Variants in MXI1 observed in about 807,000 individuals in gnomAD.
The protein encoded by MXI1 is max-interacting protein 1.
In MXI1, 18 loss-of-function variants were observed where a neutral mutation model predicts 36.9. The ratio of observed to expected loss-of-function variants is 0.49; its 90% CI spans 0.34 to 0.72. MXI1 has a LOEUF of 0.72. MXI1 is among the 30% of genes least tolerant of loss of function. The probability of loss-of-function intolerance (pLI) is 0.01; values close to 1 mark genes in which losing one functional copy is unlikely to be tolerated. For synonymous variants in MXI1, 160 were observed against 146.7 expected, an observed-to-expected ratio of 1.09 and a Z score of -0.65; for missense variants, 304 against 379.1, an observed-to-expected ratio of 0.80 and a Z score of 1.64.
chr10:110,251,011 A>T (rs902244332), intron 3 of MXI1, among the ~76,000 whole-genome samples: 135 of 35,824 alleles, frequency 3.8e-3, no homozygotes, highest in South Asian at 0.017. Flanking sequence ...AGTATTTGTT[A>T]AAAAAAAAAA....
intron 3 of MXI1, among the ~76,000 whole-genome samples, chr10:110,263,392 G>A (rs1856582265): frequency 6.6e-6 from 1 of 152,176 alleles, no homozygotes; most frequent in Admixed American, 6.5e-5. Context: ...TAGGAAATAT[G>A]TGGTGATTGT....
intron 3 of MXI1, among the ~76,000 whole-genome samples, chr10:110,269,147 A>C (rs1026112995): frequency 2.0e-5 from 3 of 152,230 alleles, no homozygotes; most frequent in Non-Finnish European, 2.9e-5. Context: ...ACCATTTGCC[A>C]TCTGCCAGTA....
intron 2 of MXI1, among the ~76,000 whole-genome samples, chr10:110,243,209 G>T (rs1369042054): frequency 6.6e-6 from 1 of 151,906 alleles, no homozygotes; most frequent in Non-Finnish European, 1.5e-5. Flanking sequence ...TGTTAAACTA[G>T]GATTTCTGAC....
At chr10:110,259,044 C>T (rs1387722531) in intron 3 of MXI1, among the ~76,000 whole-genome samples, 1 of 152,034 alleles carries the variant, frequency 6.6e-6, no homozygotes, top group Non-Finnish European at 1.5e-5. Context: ...AAAAAATAAT[C>T]AGAAGTACTG....
At chr10:110,240,773 G>A (rs1382779394) in intron 2 of MXI1, among the ~76,000 whole-genome samples, 5 of 151,944 alleles carry the variant, frequency 3.3e-5, no homozygotes, top group African/African-American at 1.2e-4. Context: ...TGTAGAATAT[G>A]CTCTTTTCAT....
chr10:110,255,831 C>T (rs892439145), intron 3 of MXI1, among the ~76,000 whole-genome samples: 1 of 151,856 alleles, frequency 6.6e-6, no homozygotes, highest in Non-Finnish European at 1.5e-5. Flanking sequence ...TAATATAATT[C>T]ATGTGAAAAT....
At chr10:110,227,458 G>A in intron 1 of MXI1, 4 of 988,888 alleles carry the variant, frequency 4.0e-6, no homozygotes, top group Non-Finnish European at 4.8e-6. Flanking sequence ...AAGGAGACGG[G>A]TGGAGGGAAG....
At chr10:110,269,930 A>G (rs963268013) in intron 3 of MXI1, among the ~76,000 whole-genome samples, 2 of 152,198 alleles carry the variant, frequency 1.3e-5, no homozygotes, top group Non-Finnish European at 2.9e-5. Context: ...ATGAACACCA[A>G]CAAAAGGCCA....
At chr10:110,214,350 T>G (rs979820036) in intron 1 of MXI1, among the ~76,000 whole-genome samples, 1 of 152,172 alleles carries the variant, frequency 6.6e-6, no homozygotes, top group Non-Finnish European at 1.5e-5. Flanking sequence ...TTTTCTTTTT[T>G]TGTCTTTCAG....
rs1202008110 is a variant in MXI1 at position 110,286,466 on chromosome 10, A to T, written c.*1479A>T. On this transcript the variant is annotated 3_prime_UTR_variant, in exon 6 of 6. Transcript: ENST00000332674. ...TGGCTGTTTGGACTTTGTATACTTT[A>T]AATAATTTAACTACCCTTAATTACT... 2 of 148,178 alleles carry T rather than the reference A, an allele frequency of 1.3e-5. No individual in the cohort carries two copies. The highest frequency in any genetic ancestry group is 1.5e-5 in the Non-Finnish European group (1 of 67,532). The allele number at this position is 148,178 out of a possible 1,614,324, so 9.2% of individuals were successfully genotyped here.
intron 3 of MXI1, among the ~76,000 whole-genome samples, chr10:110,252,170 A>G (rs920826766): frequency 6.6e-6 from 1 of 151,998 alleles, no homozygotes; most frequent in African/African-American, 2.4e-5. Context: ...AACACTATAA[A>G]TAAAAAGTAT....
chr10:110,260,203 A>G (rs1262507011), intron 3 of MXI1, among the ~76,000 whole-genome samples: 1 of 151,930 alleles, frequency 6.6e-6, no homozygotes, highest in African/African-American at 2.4e-5. Flanking sequence ...TTTCATCTCT[A>G]CTACTGATAG....
intron 5 of MXI1, among the ~76,000 whole-genome samples, chr10:110,283,583 T>A (rs1825863885): frequency 6.6e-6 from 1 of 151,946 alleles, no homozygotes; most frequent in African/African-American, 2.4e-5. Context: ...GCAGTTGTGA[T>A]TAGTGTGAAC....
At chr10:110,226,311 C>A in intron 1 of MXI1, 1 of 1,480,548 alleles carries the variant, frequency 6.8e-7, no homozygotes, top group Non-Finnish European at 9.0e-7. Flanking sequence ...CTGCGTGAGC[C>A]CGAGCGCTAC....
At chr10:110,283,538 C>T (rs1857335442) in intron 5 of MXI1, among the ~76,000 whole-genome samples, 1 of 148,190 alleles carries the variant, frequency 6.7e-6, no homozygotes, top group African/African-American at 2.4e-5. Context: ...TGCTTGGCCG[C>T]ACCCGGCTGA....
At chr10:110,222,574 C>A (rs549809584) in intron 1 of MXI1, among the ~76,000 whole-genome samples, 1 of 152,250 alleles carries the variant, frequency 6.6e-6, no homozygotes, top group South Asian at 2.1e-4. Flanking sequence ...TCGTTATAGG[C>A]CTGGGGTATT....
intron 2 of MXI1, among the ~76,000 whole-genome samples, chr10:110,232,531 T>C (rs750126937): frequency 6.6e-6 from 1 of 152,232 alleles, no homozygotes; most frequent in African/African-American, 2.4e-5. Context: ...AATACAGTTA[T>C]CCAGTTGTTT....
At chr10:110,269,536 A>G (rs769877707) in intron 3 of MXI1, among the ~76,000 whole-genome samples, 54 of 152,222 alleles carry the variant, frequency 3.5e-4, no homozygotes, top group Non-Finnish European at 6.9e-4. Flanking sequence ...TTGATACAAT[A>G]AAGCAGTTAC....
chr10:110,207,847 C>T lies in MXI1; in HGVS notation c.39C>T (p.Cys13=). The T allele has an allele frequency of 1.7e-6, 2 of 1,147,416 alleles. No individual in the cohort carries two copies. Among genetic ancestry groups the T allele is most frequent in the Non-Finnish European group, 1.1e-6 (1 of 934,130 alleles). 71.1% of individuals were successfully genotyped at this position (1,147,416 alleles called of 1,614,324 possible). A position where few individuals can be genotyped will look rare whatever the true frequency, so the allele number is the denominator to read the frequency against. The part of the protein sequence containing the change: ...KRGRPRKEAR[C]EGAGLAPAAP... ...GGCGGCCGCGCAAGGAGGCGCGCTG[C>T]GAGGGCGCGGGGCTGGCCCCCGCCG... The change falls in exon 1 of 6, where the codon TGC becomes TGT. Residue 13 remains cysteine, a synonymous_variant. Transcript: ENST00000332674.
Sources: allele counts gnomAD v4.1 joint callset (sites outside exome capture counted in the v4.1 genomes callset), GRCh38; gene constraint gnomAD v4.1.1; transcripts MANE v1.5; gene names NCBI Gene and HGNC (gene_info 2026-07-23, HGNC 2026-07-21).